The following RADX variants were observed in gnomAD, a reference collection of about 807,000 sequenced individuals.
The protein encoded by RADX is RPA-related protein RADX.
RADX carries 36 observed loss-of-function variants against 61.6 expected under a neutral mutation model. The ratio of observed to expected loss-of-function variants is 0.58; its 90% CI spans 0.45 to 0.77. The LOEUF is 0.77. Ranked by LOEUF, RADX falls within the 30% of genes least tolerant of loss-of-function variation. RADX has a pLI of 0.00. For synonymous variants in RADX, 272 were observed against 237.9 expected, an observed-to-expected ratio of 1.14 and a Z score of -1.32; for missense variants, 497 against 651.1, an observed-to-expected ratio of 0.76 and a Z score of 2.58.
intron 9 of RADX, 199 bp from the exon 10 acceptor site, chrX:106,640,353 A>G: frequency 3.1e-6 from 1 of 325,293 alleles, no homozygotes; most frequent in East Asian, 4.8e-5. Flanking sequence ...TATAAGAAGG[A>G]CTTTTGTTTG....
intron 10 of RADX, among the ~76,000 whole-genome samples, chrX:106,645,881 CCTAT>C (rs374987306): frequency 2.7e-5 from 3 of 110,884 alleles, no homozygotes; most frequent in African/African-American, 9.8e-5. Context: ...TGTATTGCGG[CCTAT>C]CTGTCTCTTT....
rs909015122 is a variant in RADX at position 106,622,577 on chromosome X, T to C, written c.644-74T>C. On this transcript the variant is annotated intron_variant, in intron 1 of 13. Coordinates refer to ENST00000372548, the MANE Select transcript of RADX (RefSeq NM_018015.6). Reference sequence around the variant, plus strand: ...TTAGGTATGATCAAGCTACTATTTTTAACCATTAAAATAGATCTTTGAAGT... The same window carrying C: ...TTAGGTATGATCAAGCTACTATTTTCAACCATTAAAATAGATCTTTGAAGT... The C allele has an allele frequency of 3.5e-5, 31 of 896,263 alleles. No homozygotes were observed. The African/African-American group carries it at 4.3e-4, about 12-fold the overall frequency. The allele number at this position is 896,263 out of a possible 1,213,427, so 73.9% of individuals were successfully genotyped here. A position where few individuals can be genotyped will look rare whatever the true frequency, so the allele number is the denominator to read the frequency against.
rs969817374 is a variant in RADX, at chrX:106,624,408, C to A, written c.787-682C>A. Among the ~76,000 whole-genome samples, 7 of 111,656 alleles carry A rather than the reference C, an allele frequency of 6.3e-5. No individual in the cohort carries two copies. The Admixed American group carries it at 6.7e-4, about 11-fold the overall frequency. Reference sequence around the variant, plus strand: ...ATCTAACAGTGCTTAAGAGTGCATGCCCTGTGGTCATATGAACTGAATTCA... The same window carrying A: ...ATCTAACAGTGCTTAAGAGTGCATGACCTGTGGTCATATGAACTGAATTCA... On this transcript the variant is annotated intron_variant, in intron 2 of 13. Coordinates refer to ENST00000372548, the MANE Select transcript of RADX (RefSeq NM_018015.6).
chrX:106,636,615 C>T lies in RADX; in HGVS notation c.1376C>T (p.Thr459Ile), dbSNP rs1927365152. The change falls in exon 7 of 14, where the codon ACC becomes ATC. Residue 459 changes from threonine (T) to isoleucine (I), a missense_variant. By Grantham distance (89) the Thr-to-Ile change is moderately conservative. This residue lies in a region of RADX where 196 missense variants were observed against 315.0 expected (regional missense o/e 0.62). Transcript: ENST00000372548. ...DNQVPKLLYL[T>I]TTNESGVFIT... Reference sequence around the variant, plus strand: ...CAAGTACCTAAGCTGCTTTACCTCACCACTACAAATGAGAGTGGAGTGTTT... The same window carrying T: ...CAAGTACCTAAGCTGCTTTACCTCATCACTACAAATGAGAGTGGAGTGTTT... 8 of 1,186,327 alleles carry T rather than the reference C, an allele frequency of 6.7e-6. No individual in the cohort carries two copies. The highest frequency in any genetic ancestry group is 3.0e-5 in the East Asian group (1 of 33,612).
Position 106,640,599 on chromosome X carries a change from A to G in RADX, c.1782A>G (p.Gln594=), listed in dbSNP as rs1202036603. Residue 594 remains glutamine, a synonymous_variant, in exon 10 of 14, where the codon CAA becomes CAG. Transcript: ENST00000372548. ...STSQAARVEI[Q]ERNGKRHQDD... is the part of the protein sequence containing the mutation. ...CTCAAGCAGCTAGAGTAGAAATTCA[A>G]GAAAGAAATGGTAAACGGCATCAAG... The G allele has an allele frequency of 1.7e-6, 2 of 1,202,462 alleles. No individual in the cohort carries two copies. Among genetic ancestry groups the G allele is most frequent in the South Asian group, 1.8e-5 (1 of 55,536 alleles).
At chrX:106,613,499 G>C (rs1249360662) in intron 1 of RADX, among the ~76,000 whole-genome samples, 1 of 111,735 alleles carries the variant, frequency 8.9e-6, no homozygotes, top group Non-Finnish European at 1.9e-5. Context: ...AATGGGGAAA[G>C]AAATAAAATG....
At chrX:106,673,024 G>C (rs1317760380) in intron 13 of RADX, among the ~76,000 whole-genome samples, 1 of 111,292 alleles carries the variant, frequency 9.0e-6, no homozygotes, top group Non-Finnish European at 1.9e-5. Context: ...ACCCTTCAGG[G>C]CAGTGGGCTC....
intron 10 of RADX, among the ~76,000 whole-genome samples, chrX:106,643,708 T>C (rs1294463239): frequency 9.0e-6 from 1 of 111,521 alleles, no homozygotes; most frequent in Non-Finnish European, 1.9e-5. Flanking sequence ...TCTGTTGATA[T>C]GATATATCAC....
At chrX:106,648,914 C>T (rs1220210828) in intron 11 of RADX, among the ~76,000 whole-genome samples, 2 of 110,658 alleles carry the variant, frequency 1.8e-5, no homozygotes, top group South Asian at 7.7e-4. Context: ...TTGTTTTCAT[C>T]CTCCACCTAG....
At chrX:106,664,184 A>G (rs1928170686) in intron 12 of RADX, among the ~76,000 whole-genome samples, 1 of 108,772 alleles carries the variant, frequency 9.2e-6, no homozygotes, top group East Asian at 2.8e-4. Flanking sequence ...ATTGGCAATA[A>G]TTTTCTGTGC....
intron 7 of RADX, among the ~76,000 whole-genome samples, chrX:106,637,171 G>A (rs957231691): frequency 1.8e-5 from 2 of 111,086 alleles, no homozygotes; most frequent in African/African-American, 3.3e-5. Flanking sequence ...ATGAGAGAGT[G>A]AGGAAGTAGT....
At chrX:106,666,162 C>T (rs1399727825) in intron 12 of RADX, among the ~76,000 whole-genome samples, 1 of 111,776 alleles carries the variant, frequency 8.9e-6, no homozygotes, top group East Asian at 2.8e-4. Flanking sequence ...AATTATTTTT[C>T]ACCTGAAATA....
At chrX:106,668,890 G>A (rs1410533790) in intron 12 of RADX, among the ~76,000 whole-genome samples, 1 of 112,206 alleles carries the variant, frequency 8.9e-6, no homozygotes. Context: ...CTGTCCTTTG[G>A]ATAGTAAGAT....
At chrX:106,637,965 T>G in intron 8 of RADX, 41 bp downstream of exon 8, 1 of 1,033,749 alleles carries the variant, frequency 9.7e-7, no homozygotes, top group African/African-American at 1.8e-5. Context: ...ATGTTTATAT[T>G]TTATATGTAT....
intron 1 of RADX, among the ~76,000 whole-genome samples, chrX:106,621,532 C>A (rs1373690341): frequency 4.5e-5 from 5 of 112,029 alleles, no homozygotes; most frequent in African/African-American, 1.3e-4. Flanking sequence ...AGGAAGAATA[C>A]ATCAGTATTA....
rs142495888 is a variant in RADX, at chrX:106,648,354, G to T, written c.1946G>T (p.Gly649Val). Residue 649 changes from glycine to valine, a missense_variant, in exon 11 of 14, where the codon GGA (glycine) becomes GTA (valine). By Grantham distance (109) the Gly-to-Val change is moderately radical. Coordinates refer to ENST00000372548, the MANE Select transcript of RADX (RefSeq NM_018015.6). ...CCAGGAGCTTCTGTACAAACAAAGG[G>T]AATTAAACCGGGCATGCCAAGCATC... is the stretch of plus-strand genomic sequence containing the variant. ...PQPGASVQTK[G>V]IKPGMPSIFN... 32 of 1,196,060 alleles carry T rather than the reference G, an allele frequency of 2.7e-5. No individual in the cohort carries two copies. Among genetic ancestry groups the T allele is most frequent in the Non-Finnish European group, 3.4e-5 (30 of 884,629 alleles).
At chrX:106,642,314 C>T in intron 10 of RADX, among the ~76,000 whole-genome samples, 1 of 111,075 alleles carries the variant, frequency 9.0e-6, no homozygotes, top group South Asian at 3.8e-4. Flanking sequence ...GGACTATAGT[C>T]ACTCTGATGT....
intron 11 of RADX, among the ~76,000 whole-genome samples, chrX:106,649,801 T>C (rs1927751337): frequency 1.8e-5 from 2 of 111,235 alleles, no homozygotes; most frequent in African/African-American, 6.5e-5. Flanking sequence ...GACAGACCAG[T>C]AGCAAAAGGA....
intron 3 of RADX, among the ~76,000 whole-genome samples, chrX:106,629,193 G>A (rs367554917): frequency 7.2e-5 from 8 of 111,309 alleles, no homozygotes; most frequent in Non-Finnish European, 1.3e-4. Context: ...TGATTTTGGC[G>A]GGCAGGGGCT....
Sources: gnomAD v4.1 joint callset for allele counts (sites outside exome capture counted in the v4.1 genomes callset) on GRCh38, gnomAD v4.1.1 for gene constraint, gnomAD v4.1.1 regional missense constraint, MANE v1.5 for transcripts, NCBI Gene and HGNC (gene_info 2026-07-23, HGNC 2026-07-21) for gene names.